PHACTR2: variants seen among roughly 807,000 people sequenced by gnomAD.
PHACTR2 encodes the protein chromosome 6 open reading frame 56.
A neutral mutation model predicts 76.0 loss-of-function variants in PHACTR2; 30 were observed. The ratio of observed to expected loss-of-function variants is 0.39; its 90% CI spans 0.30 to 0.54. The LOEUF (loss-of-function observed/expected upper bound fraction) is 0.54, where lower values mean the gene tolerates loss of function less well. Among genes scored for constraint, PHACTR2 ranks in the 20% least tolerant of loss-of-function variants. The pLI, the probability that PHACTR2 is intolerant of heterozygous loss-of-function variation, is 0.61. For synonymous variants in PHACTR2, 292 were observed against 292.5 expected (o/e 1.00, Z 0.02); for missense variants, 696 against 781.1 (o/e 0.89, Z 1.30).
At chr6:143,785,653 C>A (rs1322207952) in intron 10 of PHACTR2, among the ~76,000 whole-genome samples, 1 of 152,188 alleles carries the variant, frequency 6.6e-6, no homozygotes, top group African/African-American at 2.4e-5. Context: ...CCACCCCACC[C>A]CCAACCCTGC....
chr6:143,736,760 G>C (rs895775588), intron 2 of PHACTR2, among the ~76,000 whole-genome samples: 1 of 151,412 alleles, frequency 6.6e-6, no homozygotes, highest in African/African-American at 2.4e-5. Context: ...ATTTTTAATA[G>C]AGACGGGGTT....
chr6:143,711,124 C>A, intron 1 of PHACTR2: 1 of 501,980 alleles, frequency 2.0e-6, no homozygotes, highest in South Asian at 1.4e-5. Context: ...AGATAATTTC[C>A]ATCACCGCTA....
intron 2 of PHACTR2, among the ~76,000 whole-genome samples, chr6:143,735,094 C>G (rs1448866135): frequency 6.6e-6 from 1 of 152,050 alleles, no homozygotes; most frequent in African/African-American, 2.4e-5. Flanking sequence ...TTAATTTTTA[C>G]TTCTTTTGTG....
In PHACTR2 at chr6:143,583,006, C is replaced by T. The variant is rs1306649769; in HGVS notation, c.217+45799C>T. 6.6e-6 allele frequency among the ~76,000 whole-genome samples: 1 copy of T among 152,206 alleles called. No individual in the cohort carries two copies. ...CAAACTCTGAAGCACTTAAAACATGCAATCACCATTCACATACTTTAATTA... is the reference window on the plus strand; with the variant it reads ...CAAACTCTGAAGCACTTAAAACATGTAATCACCATTCACATACTTTAATTA... On this transcript the variant is annotated intron_variant, in intron 1 of 11. Coordinates refer to the PHACTR2 transcript ENST00000367584. The surrounding 1 kb of genome is among the most constrained non-coding windows in gnomAD (Gnocchi z 4.0).
chr6:143,693,627 T>A lies in PHACTR2; in HGVS notation c.46+15418T>A, dbSNP rs1777700847. ...TACAAACCAGGACTTATTAGCAATG[T>A]CCCAAAGCACACTGCATCCATTGTC... On this transcript the variant is annotated intron_variant, in intron 1 of 12. Coordinates refer to ENST00000440869, the MANE Select transcript of PHACTR2 (RefSeq NM_001100164.2). Among the ~76,000 whole-genome samples the A allele has an allele frequency of 2.6e-5, 4 of 152,214 alleles. No individual in the cohort carries two copies. In the East Asian group the frequency reaches 7.7e-4, roughly 29 times the overall value.
chr6:143,689,108 C>T lies in PHACTR2; in HGVS notation c.46+10899C>T, dbSNP rs1045778550. On this transcript the variant is annotated intron_variant, in intron 1 of 12. Transcript: ENST00000440869. This position sits in a 1 kb window ranked among gnomAD's most constrained non-coding sequence, Gnocchi z 4.4. ...ACCCTGTTTGAGACACTCTTCCCTT[C>T]GCTCTTCGCCAAGCTGACTCCTTGT... Among the ~76,000 whole-genome samples, 4 of 152,298 alleles carry T rather than the reference C, an allele frequency of 2.6e-5. No individual in the cohort carries two copies. Among genetic ancestry groups the T allele is most frequent in the East Asian group, 1.9e-4 (1 of 5,170 alleles).
intron 2 of PHACTR2, among the ~76,000 whole-genome samples, chr6:143,716,789 G>C (rs7769784): frequency 7.2e-5 from 11 of 152,156 alleles, no homozygotes; most frequent in Non-Finnish European, 1.6e-4. Flanking sequence ...TAAGCCTGTG[G>C]TGCTGGAGCT....
chr6:143,689,074 C>T lies in PHACTR2; in HGVS notation c.46+10865C>T, dbSNP rs771297702. Among the ~76,000 whole-genome samples the T allele has an allele frequency of 2.6e-5, 4 of 152,158 alleles. No homozygotes were observed. The highest frequency in any genetic ancestry group is 7.2e-5 in the African/African-American group (3 of 41,444). ...ATCAGTCCCACCCATGGACCTTGGCCGTTGCTGCACCCTGTTTGAGACACT... is the reference window on the plus strand; with the variant it reads ...ATCAGTCCCACCCATGGACCTTGGCTGTTGCTGCACCCTGTTTGAGACACT... On this transcript the variant is annotated intron_variant, in intron 1 of 12. Coordinates refer to ENST00000440869, the MANE Select transcript of PHACTR2 (RefSeq NM_001100164.2). This position sits in a 1 kb window ranked among gnomAD's most constrained non-coding sequence, Gnocchi z 4.4.
rs573690194 is a variant in PHACTR2 at position 143,654,880 on chromosome 6, G to T, written c.13+46558G>T. On this transcript the variant is annotated intron_variant, in intron 1 of 11. Transcript: ENST00000305766. The surrounding 1 kb of genome is among the most constrained non-coding windows in gnomAD (Gnocchi z 4.6). ...GACTCTTAAAAACATCATGCTAGCC[G>T]GGCACTGTGGCTCACGCCTGTAATC... Among the ~76,000 whole-genome samples, 9 of 152,142 alleles carry T rather than the reference G, an allele frequency of 5.9e-5. No homozygotes were observed. The South Asian group carries it at 1.9e-3, about 32-fold the overall frequency.
In PHACTR2 at chr6:143,819,902, T is replaced by C. The variant is rs1776375271; in HGVS notation, c.1923-3772T>C. On this transcript the variant is annotated intron_variant, in intron 12 of 12. Coordinates refer to ENST00000440869, the MANE Select transcript of PHACTR2 (RefSeq NM_001100164.2). The surrounding 1 kb of genome is among the most constrained non-coding windows in gnomAD (Gnocchi z 5.0). ...TAATTTATAAGAAAACAGGTTTAAT[T>C]GGCTCACAGTTCTGCAGGCTGTACA... Among the ~76,000 whole-genome samples the C allele has an allele frequency of 6.6e-6, 1 of 152,168 alleles. No homozygotes were observed.
chr6:143,769,989 A>G (rs1775059452), intron 6 of PHACTR2, among the ~76,000 whole-genome samples: 1 of 152,248 alleles, frequency 6.6e-6, no homozygotes, highest in African/African-American at 2.4e-5. Context: ...GTGATCCAGC[A>G]ATTCTACTTC....
chr6:143,774,200 G>A lies in PHACTR2; in HGVS notation c.1574G>A (p.Gly525Glu), dbSNP rs769413760. 1.9e-6 allele frequency: 3 copies of A among 1,613,984 alleles called. No individual in the cohort carries two copies. The highest frequency in any genetic ancestry group is 1.7e-5 in the Admixed American group (1 of 60,024). The stretch of plus-strand genomic sequence containing the variant: ...AGGCAGGAAATCCGACAACAAATTG[G>A]AACCAAGTTAGTCAGGTAATTGCTA... ...EERQEIRQQIGTKLVRRLSQR... is the reference protein window; with the variant it reads ...EERQEIRQQIETKLVRRLSQR... Residue 525 changes from glycine (G) to glutamate (E), a missense_variant, in exon 8 of 13, where the codon GGA becomes GAA. Physicochemically the swap from Gly to Glu is moderately conservative, Grantham distance 98 (BLOSUM62 -2). Around this residue, in one of 2 missense-constraint regions of PHACTR2, gnomAD observed 236 missense variants for 330.2 expected, o/e 0.71. Coordinates refer to ENST00000440869, the MANE Select transcript of PHACTR2 (RefSeq NM_001100164.2). The surrounding 1 kb of genome is among the most constrained non-coding windows in gnomAD (Gnocchi z 5.4).
At chr6:143,771,351 G>C (rs966887715) in intron 6 of PHACTR2, among the ~76,000 whole-genome samples, 2 of 146,016 alleles carry the variant, frequency 1.4e-5, no homozygotes, top group African/African-American at 5.0e-5. Context: ...TCCTTCCCAG[G>C]CTCAAGCTGG....
At chr6:143,607,074 G>A (rs542884152), upstream of PHACTR2, among the ~76,000 whole-genome samples, 182 of 152,214 alleles carry the variant, frequency 1.2e-3, 1 homozygote, top group East Asian at 2.7e-3. Context: ...ATTTGTGACC[G>A]GTGTGTCACT....
chr6:143,744,700 G>T (rs75697708), intron 2 of PHACTR2, among the ~76,000 whole-genome samples: 1 of 152,222 alleles, frequency 6.6e-6, no homozygotes, highest in Non-Finnish European at 1.5e-5. Flanking sequence ...AGCCAGGCAC[G>T]TGGGAGGCGG....
Position 143,700,809 on chromosome 6 carries a change from G to A in PHACTR2, c.47-11207G>A, listed in dbSNP as rs1777892912. Among the ~76,000 whole-genome samples the A allele has an allele frequency of 6.6e-6, 1 of 152,100 alleles. No homozygotes were observed. Among genetic ancestry groups the A allele is most frequent in the Admixed American group, 6.6e-5 (1 of 15,264 alleles). On this transcript the variant is annotated intron_variant, in intron 1 of 12. Coordinates refer to ENST00000440869, the MANE Select transcript of PHACTR2 (RefSeq NM_001100164.2). The surrounding 1 kb of genome is among the most constrained non-coding windows in gnomAD (Gnocchi z 4.1). ...GCACACACTCTACACACCATGACCT[G>A]CTCCACTTCAGACTCCGGGAGTTGT...
At position 143,760,613 on chromosome 6, in the gene PHACTR2, G is replaced by A. The variant is rs2128472387; in HGVS notation, c.667G>A (p.Ala223Thr). Reference sequence around the variant, plus strand: ...GGCCCCCGTCCCTCCACCCAAGCCAGCAAGCCGAAACACGACCCGAGAGGC... The same window carrying A: ...GGCCCCCGTCCCTCCACCCAAGCCAACAAGCCGAAACACGACCCGAGAGGC... ...KQAPVPPPKP[A>T]SRNTTREAAG... Residue 223 changes from alanine (A) to threonine (T), a missense_variant, in exon 5 of 13, where the codon GCA becomes ACA. This residue lies in a region of PHACTR2 where 460 missense variants were observed against 450.9 expected (regional missense o/e 1.02). Coordinates refer to ENST00000440869, the MANE Select transcript of PHACTR2 (RefSeq NM_001100164.2). This position sits in a 1 kb window ranked among gnomAD's most constrained non-coding sequence, Gnocchi z 6.4. The A allele has an allele frequency of 6.2e-7, 1 of 1,613,930 alleles. No homozygotes were observed. Among genetic ancestry groups the A allele is most frequent in the Non-Finnish European group, 8.5e-7 (1 of 1,179,864 alleles).
rs1778980876 is a variant in PHACTR2, at chr6:143,743,144, G to A, written c.215-5841G>A. ...TCCATGCAGAGCTACTGTGTGAAGA[G>A]AACTTAACATTTTAGGGTAGATTTC... On this transcript the variant is annotated intron_variant, in intron 2 of 12. Coordinates refer to ENST00000440869, the MANE Select transcript of PHACTR2 (RefSeq NM_001100164.2). This position sits in a 1 kb window ranked among gnomAD's most constrained non-coding sequence, Gnocchi z 5.0. 6.6e-6 allele frequency among the ~76,000 whole-genome samples: 1 copy of A among 152,160 alleles called. No individual in the cohort carries two copies. The highest frequency in any genetic ancestry group is 2.1e-4 in the South Asian group (1 of 4,832).
Position 143,764,788 on chromosome 6 carries a change from CCA to C in PHACTR2, c.695-472_695-471del, listed in dbSNP as rs1779518303. Reference sequence around the variant, plus strand: ...CCCAGAAAGAAGCTGGATATATACCCCAGTCTCTTCTGAATACAGGCCACCAC... The same window carrying C: ...CCCAGAAAGAAGCTGGATATATACCCGTCTCTTCTGAATACAGGCCACCAC... On this transcript the variant is annotated intron_variant, in intron 5 of 12. Transcript: ENST00000440869. The surrounding 1 kb of genome is among the most constrained non-coding windows in gnomAD (Gnocchi z 4.7). Among the ~76,000 whole-genome samples, 1 of 152,114 alleles carries C rather than the reference CCA, an allele frequency of 6.6e-6. No homozygotes were observed. The highest frequency in any genetic ancestry group is 2.4e-5 in the African/African-American group (1 of 41,426).
Sources: gnomAD v4.1 joint callset for allele counts (sites outside exome capture counted in the v4.1 genomes callset) on GRCh38, gnomAD v4.1.1 for gene constraint, gnomAD v4.1.1 regional missense constraint, Gnocchi (gnomAD v3.1) non-coding constraint, MANE v1.5 for transcripts, NCBI Gene and HGNC (gene_info 2026-07-23, HGNC 2026-07-21) for gene names.